The following PRKN variants were observed in gnomAD, a reference collection of about 807,000 sequenced individuals.
PRKN encodes the protein parkin RBR E3 ubiquitin protein ligase.
A neutral mutation model predicts 59.5 loss-of-function variants in PRKN; 56 were observed. The ratio of observed to expected loss-of-function variants is 0.94; its 90% CI spans 0.76 to 1.18. The LOEUF is 1.18. PRKN is among the 50% of genes most tolerant of loss of function. The probability of loss-of-function intolerance (pLI) is 0.00; values close to 1 mark genes in which losing one functional copy is unlikely to be tolerated. For synonymous variants in PRKN, 250 were observed against 222.1 expected (o/e 1.13, Z -1.12); for missense variants, 657 against 596.4 (o/e 1.10, Z -1.06).
intron 6 of PRKN, among the ~76,000 whole-genome samples, chr6:161,835,606 C>T (rs772942697): frequency 3.3e-5 from 5 of 152,178 alleles, no homozygotes; most frequent in Admixed American, 2.0e-4. Context: ...GGGCCCCATG[C>T]GTTTCCACGC....
chr6:162,065,404 G>T (rs1243459826), intron 4 of PRKN, among the ~76,000 whole-genome samples: 8 of 152,242 alleles, frequency 5.3e-5, no homozygotes, highest in Admixed American at 2.6e-4. Context: ...AATTTCTTTG[G>T]TTTGCTTTGT....
chr6:162,456,227 C>T (rs1209716556), intron 1 of PRKN, among the ~76,000 whole-genome samples: 1 of 152,142 alleles, frequency 6.6e-6, no homozygotes, highest in Non-Finnish European at 1.5e-5. Context: ...CAAAATGATG[C>T]TGAATCCATT....
At chr6:161,749,117 C>T (rs1788565088) in intron 7 of PRKN, among the ~76,000 whole-genome samples, 1 of 152,158 alleles carries the variant, frequency 6.6e-6, no homozygotes, top group Non-Finnish European at 1.5e-5. Context: ...GGCGGGCAAG[C>T]AGGTACGCCT....
At chr6:161,841,064 C>CG in intron 6 of PRKN, among the ~76,000 whole-genome samples, 1 of 152,338 alleles carries the variant, frequency 6.6e-6, no homozygotes, top group African/African-American at 2.4e-5. Flanking sequence ...AATCCCATTA[C>CG]TGTGTGTATA....
intron 6 of PRKN, among the ~76,000 whole-genome samples, chr6:161,864,666 T>TG (rs750152732): frequency 2.0e-5 from 3 of 152,142 alleles, no homozygotes; most frequent in Non-Finnish European, 4.4e-5. Flanking sequence ...TAGTTTGTTT[T>TG]GTTTTTTTGA....
At chr6:162,599,242 A>G (rs1781605287) in intron 1 of PRKN, among the ~76,000 whole-genome samples, 1 of 152,148 alleles carries the variant, frequency 6.6e-6, no homozygotes, top group Non-Finnish European at 1.5e-5. Flanking sequence ...TGGACACAAA[A>G]TAAGAGCTAA....
At chr6:161,871,878 G>A (rs1205920696) in intron 6 of PRKN, among the ~76,000 whole-genome samples, 1 of 152,128 alleles carries the variant, frequency 6.6e-6, no homozygotes, top group Non-Finnish European at 1.5e-5. Flanking sequence ...CCACAGGCAC[G>A]AGGACGTGAA....
At chr6:162,658,674 GA>G (rs749187156) in intron 1 of PRKN, among the ~76,000 whole-genome samples, 39,148 of 96,972 alleles carry the variant, frequency 0.4, 5,163 homozygotes, top group Non-Finnish European at 0.45. Flanking sequence ...AAAAAAAAAA[GA>G]AAAAAAAAAG....
chr6:162,351,315 T>A (rs1784615570), intron 2 of PRKN, among the ~76,000 whole-genome samples: 2 of 152,152 alleles, frequency 1.3e-5, no homozygotes. Context: ...AGATGGCAAA[T>A]AAGTACCTGA....
intron 7 of PRKN, among the ~76,000 whole-genome samples, chr6:161,754,239 C>G (rs571168684): frequency 6.6e-6 from 1 of 152,118 alleles, no homozygotes; most frequent in Admixed American, 6.5e-5. Context: ...AAGCTCACAG[C>G]AGGCCATGCT....
intron 1 of PRKN, among the ~76,000 whole-genome samples, chr6:162,665,381 T>C (rs536201898): frequency 6.6e-6 from 1 of 152,062 alleles, no homozygotes; most frequent in South Asian, 2.1e-4. Flanking sequence ...AATTCCTTTA[T>C]ACTGACAACA....
chr6:161,866,468 G>T (rs1794115403), intron 6 of PRKN, among the ~76,000 whole-genome samples: 1 of 152,060 alleles, frequency 6.6e-6, no homozygotes, highest in Admixed American at 6.6e-5. Flanking sequence ...CCAGCTACTT[G>T]GGAGGCTGAG....
intron 6 of PRKN, among the ~76,000 whole-genome samples, chr6:161,791,006 T>C (rs1341515647): frequency 2.0e-5 from 3 of 152,146 alleles, no homozygotes; most frequent in African/African-American, 4.8e-5. Flanking sequence ...CCAGGACTTA[T>C]CCTCTCATGG....
chr6:162,123,790 T>C (rs971883931), intron 4 of PRKN, among the ~76,000 whole-genome samples: 2 of 152,110 alleles, frequency 1.3e-5, no homozygotes, highest in Non-Finnish European at 2.9e-5. Flanking sequence ...ACCCAAAGGG[T>C]TGGTCAATAT....
chr6:161,884,381 T>C (rs1390104609), intron 6 of PRKN, among the ~76,000 whole-genome samples: 1 of 152,246 alleles, frequency 6.6e-6, no homozygotes, highest in Non-Finnish European at 1.5e-5. Flanking sequence ...TGCTATGAGC[T>C]GAATTTCATT....
chr6:161,657,375 T>C (rs1310335147), intron 7 of PRKN, among the ~76,000 whole-genome samples: 1 of 152,190 alleles, frequency 6.6e-6, no homozygotes, highest in Non-Finnish European at 1.5e-5. Flanking sequence ...GATGCTCTTT[T>C]ATTTCAAATC....
chr6:162,291,958 A>G (rs1188723133), intron 2 of PRKN, among the ~76,000 whole-genome samples: 1 of 119,278 alleles, frequency 8.4e-6, no homozygotes, highest in Non-Finnish European at 1.6e-5. Context: ...TATTATTATT[A>G]TTGTTTTTTT....
At chr6:161,956,550 C>T (rs1244571410) in intron 6 of PRKN, among the ~76,000 whole-genome samples, 5 of 150,014 alleles carry the variant, frequency 3.3e-5, no homozygotes, top group Non-Finnish European at 7.4e-5. Context: ...AAAATAAACT[C>T]TCTCAATTAA....
chr6:162,385,234 G>A (rs1230477210), intron 2 of PRKN, among the ~76,000 whole-genome samples: 6 of 152,102 alleles, frequency 3.9e-5, no homozygotes, highest in Non-Finnish European at 7.4e-5. Flanking sequence ...ATGGTAGCAG[G>A]TTTGCATGCC....
Sources: allele counts gnomAD v4.1 joint callset (sites outside exome capture counted in the v4.1 genomes callset), GRCh38; gene constraint gnomAD v4.1.1; transcripts MANE v1.5; gene names NCBI Gene and HGNC (gene_info 2026-07-23, HGNC 2026-07-21).